The following MIPOL1 variants were observed in gnomAD, a reference collection of about 807,000 sequenced individuals.
MIPOL1 encodes mirror-image polydactyly 1.
In MIPOL1, 57 loss-of-function variants were observed where a neutral mutation model predicts 60.9. That is an observed-to-expected ratio of 0.94 (90% CI 0.76 to 1.17). MIPOL1 has a LOEUF of 1.17. MIPOL1 is among the 50% of genes most tolerant of loss of function. MIPOL1 has a pLI of 0.00. For missense variants in MIPOL1, 551 were observed against 511.6 expected (o/e 1.08, Z -0.74); for synonymous variants, 179 against 168.8 (o/e 1.06, Z -0.47).
At chr14:37,518,961 T>C (rs968540462) in intron 12 of MIPOL1, among the ~76,000 whole-genome samples, 1 of 152,146 alleles carries the variant, frequency 6.6e-6, no homozygotes, top group South Asian at 2.1e-4. Flanking sequence ...ATTTTACATC[T>C]TAGAGTCTAC....
intron 11 of MIPOL1, among the ~76,000 whole-genome samples, chr14:37,436,701 G>C (rs538028980): frequency 6.6e-6 from 1 of 152,304 alleles, no homozygotes; most frequent in East Asian, 1.9e-4. Context: ...TTTTAAGACT[G>C]GGTGGCACTG....
At chr14:37,210,255 T>C (rs1280054073) in intron 1 of MIPOL1, among the ~76,000 whole-genome samples, 1 of 151,720 alleles carries the variant, frequency 6.6e-6, no homozygotes, top group African/African-American at 2.4e-5. Flanking sequence ...AACCCACAGG[T>C]TGGGTGCCCA....
chr14:37,363,157 TGAG>T (rs1281853784), intron 9 of MIPOL1, among the ~76,000 whole-genome samples: 1 of 152,194 alleles, frequency 6.6e-6, no homozygotes, highest in Admixed American at 6.5e-5. Flanking sequence ...TCATTGCTGG[TGAG>T]GAGCTGCGAT....
chr14:37,293,141 G>A (rs947056454), intron 7 of MIPOL1, among the ~76,000 whole-genome samples: 1 of 87,836 alleles, frequency 1.1e-5, no homozygotes, highest in African/African-American at 3.9e-5. Context: ...TTCATGAAAA[G>A]TTTTTCTTAC....
At chr14:37,466,896 G>T (rs551763351) in intron 11 of MIPOL1, among the ~76,000 whole-genome samples, 6 of 152,222 alleles carry the variant, frequency 3.9e-5, no homozygotes, top group African/African-American at 1.4e-4. Flanking sequence ...ATTGATTTCC[G>T]CTTTCTCCCC....
intron 1 of MIPOL1, among the ~76,000 whole-genome samples, chr14:37,239,789 A>G (rs948854904): frequency 6.6e-6 from 1 of 152,206 alleles, no homozygotes; most frequent in African/African-American, 2.4e-5. Context: ...TTTCTCAGAA[A>G]AATTAATGGA....
At chr14:37,312,198 C>T (rs1259180434) in intron 9 of MIPOL1, among the ~76,000 whole-genome samples, 1 of 152,118 alleles carries the variant, frequency 6.6e-6, no homozygotes, top group Non-Finnish European at 1.5e-5. Context: ...ACCTCTGCCT[C>T]CTGGGTTCAA....
chr14:37,227,490 T>TTG (rs1043164518), intron 1 of MIPOL1, among the ~76,000 whole-genome samples: 1 of 151,660 alleles, frequency 6.6e-6, no homozygotes. Context: ...GTGTGTGTGT[T>TTG]TGTGTGTGTG....
intron 7 of MIPOL1, among the ~76,000 whole-genome samples, chr14:37,291,434 TG>T (rs2085044872): frequency 1.6e-5 from 1 of 61,038 alleles, no homozygotes; most frequent in Non-Finnish European, 3.1e-5. Context: ...TTCTAATTAA[TG>T]TATGTAATGT....
intron 10 of MIPOL1, among the ~76,000 whole-genome samples, chr14:37,403,583 A>G (rs946634223): frequency 5.3e-5 from 8 of 151,898 alleles, no homozygotes; most frequent in Admixed American, 5.3e-4. Context: ...GCCTCTGGCT[A>G]ATATTTTTTA....
intron 9 of MIPOL1, among the ~76,000 whole-genome samples, chr14:37,359,705 T>A (rs893959461): frequency 1.3e-5 from 2 of 152,226 alleles, no homozygotes; most frequent in Non-Finnish European, 2.9e-5. Context: ...CTAATTTGCT[T>A]ATCAACTTAA....
Position 37,365,163 on chromosome 14 carries a change from T to A in MIPOL1, c.829-4354T>A, listed in dbSNP as rs1010578446. On this transcript the variant is annotated intron_variant, in intron 9 of 12. Coordinates refer to ENST00000684589, the MANE Select transcript of MIPOL1 (RefSeq NM_001388067.1). ...TCATATCATCTGCAAACAAGGATAA[T>A]TTGACTTCTTCCATTCCAGTTTGGA... Among the ~76,000 whole-genome samples, 12 of 152,322 alleles carry A rather than the reference T, an allele frequency of 7.9e-5. 1 individual carries two copies. Among genetic ancestry groups the A allele is most frequent in the African/African-American group, 2.6e-4 (11 of 41,574 alleles).
chr14:37,439,655 C>T (rs564278122), intron 11 of MIPOL1, among the ~76,000 whole-genome samples: 2 of 152,202 alleles, frequency 1.3e-5, no homozygotes, highest in Admixed American at 1.3e-4. Flanking sequence ...AAAACGTCAA[C>T]CCCTGGTCAA....
In MIPOL1 at chr14:37,285,359, G is replaced by A. The variant is rs1717780087; in HGVS notation, c.535G>A (p.Glu179Lys). The A allele has an allele frequency of 1.2e-6, 2 of 1,613,998 alleles. No individual in the cohort carries two copies. Among genetic ancestry groups the A allele is most frequent in the African/African-American group, 1.3e-5 (1 of 75,022 alleles). ...EVYFAQKERD[E>K]AVMSRLQLAI... ...GTATTTTGCGCAGAAGGAACGTGAT[G>A]AAGCTGTTATGTCTAGACTGCAATT... The change falls in exon 7 of 13, where the codon GAA becomes AAA. Residue 179 changes from glutamate (E) to lysine (K), a missense_variant. Glu to Lys is a moderately conservative substitution (Grantham distance 56). Transcript: ENST00000684589.
At chr14:37,305,154 T>A (rs926940728) in intron 7 of MIPOL1, among the ~76,000 whole-genome samples, 1 of 151,860 alleles carries the variant, frequency 6.6e-6, no homozygotes, top group Non-Finnish European at 1.5e-5. Flanking sequence ...TTTGTGTTGT[T>A]TTAAGTGACA....
intron 7 of MIPOL1, among the ~76,000 whole-genome samples, chr14:37,302,764 T>G (rs2086422465): frequency 6.6e-6 from 1 of 151,822 alleles, no homozygotes; most frequent in Non-Finnish European, 1.5e-5. Context: ...TGGGTTAATT[T>G]CTGAATTTAC....
intron 3 of MIPOL1, among the ~76,000 whole-genome samples, chr14:37,260,293 AT>A (rs1168069080): frequency 1.3e-5 from 2 of 151,526 alleles, no homozygotes; most frequent in Admixed American, 1.3e-4. Flanking sequence ...TCATTGATTC[AT>A]TTCATTTCAT....
At chr14:37,516,034 C>CA (rs946826616) in intron 12 of MIPOL1, among the ~76,000 whole-genome samples, 1 of 152,176 alleles carries the variant, frequency 6.6e-6, no homozygotes, top group African/African-American at 2.4e-5. Flanking sequence ...CTGGAAGAAT[C>CA]AAACTTGGCA....
chr14:37,403,295 G>A (rs1431154230), intron 10 of MIPOL1, among the ~76,000 whole-genome samples: 10 of 151,884 alleles, frequency 6.6e-5, no homozygotes, highest in Admixed American at 6.6e-4. Flanking sequence ...CTCATGGGAG[G>A]TTGGTTTTAT....
Sources: gnomAD v4.1 joint callset for allele counts (sites outside exome capture counted in the v4.1 genomes callset) on GRCh38, gnomAD v4.1.1 for gene constraint, MANE v1.5 for transcripts, NCBI Gene and HGNC (gene_info 2026-07-23, HGNC 2026-07-21) for gene names.